The following CLTRN variants were observed in gnomAD, a reference collection of about 807,000 sequenced individuals.
CLTRN encodes collectrin, amino acid transport regulator.
Under a neutral mutation model 14.5 loss-of-function variants are expected in CLTRN, and 12 were observed. That is an observed-to-expected ratio of 0.83 (90% confidence interval 0.53 to 1.34). CLTRN has a LOEUF of 1.34. Ranked by LOEUF, CLTRN falls within the 40% of genes most tolerant of loss-of-function variation. CLTRN has a pLI of 0.00. For synonymous variants in CLTRN, 58 were observed against 56.5 expected (o/e 1.03, Z -0.12); for missense variants, 154 against 165.1 (o/e 0.93, Z 0.37).
chrX:15,663,803 C>T (rs752699451), intron 2 of CLTRN, among the ~76,000 whole-genome samples: 16 of 112,491 alleles, frequency 1.4e-4, no homozygotes, highest in African/African-American at 5.2e-4. Flanking sequence ...TTCCTATAGC[C>T]ACATGGGCCC....
intron 3 of CLTRN, among the ~76,000 whole-genome samples, chrX:15,649,218 A>G (rs1384939679): frequency 1.8e-5 from 2 of 111,895 alleles, no homozygotes; most frequent in African/African-American, 6.5e-5. Context: ...CATCAACACA[A>G]CTATGGCCCC....
chrX:15,648,458 G>A (rs892739621), intron 3 of CLTRN, among the ~76,000 whole-genome samples: 1 of 110,803 alleles, frequency 9.0e-6, no homozygotes, highest in Non-Finnish European at 1.9e-5. Context: ...ATCCCCTGAA[G>A]GACAAAATCA....
chrX:15,637,192 C>T (rs191322460), intron 5 of CLTRN, among the ~76,000 whole-genome samples: 3 of 111,331 alleles, frequency 2.7e-5, no homozygotes, highest in Non-Finnish European at 3.8e-5. Context: ...AAACTATGTT[C>T]ATTATTATCT....
intron 3 of CLTRN, among the ~76,000 whole-genome samples, chrX:15,656,674 T>G (rs1446301092): frequency 9.0e-6 from 1 of 111,300 alleles, no homozygotes; most frequent in Non-Finnish European, 1.9e-5. Flanking sequence ...CAATCTTGCA[T>G]TATGTGGTGC....
chrX:15,663,177 C>T (rs1478488405), intron 2 of CLTRN, among the ~76,000 whole-genome samples: 1 of 112,010 alleles, frequency 8.9e-6, no homozygotes, highest in African/African-American at 3.2e-5. Flanking sequence ...ATTTGGTTTA[C>T]TGAATATTTA....
chrX:15,627,883 T>C lies in CLTRN; in HGVS notation c.*88A>G. 1.3e-6 allele frequency: 1 copy of C among 784,688 alleles called. No individual in the cohort carries two copies. The highest frequency in any genetic ancestry group is 4.8e-5 in the Admixed American group (1 of 20,805). 64.7% of individuals were successfully genotyped at this position (784,688 alleles called of 1,213,427 possible). A position where few individuals can be genotyped will look rare whatever the true frequency, so the allele number is the denominator to read the frequency against. ...ACAAAAGAAGAATGGTGAAACAAAA[T>C]ATATGATCTGCTCTTGGTATTTCAG... On this transcript the variant is annotated 3_prime_UTR_variant, in exon 6 of 6. Coordinates refer to ENST00000380342, the MANE Select transcript of CLTRN (RefSeq NM_020665.6).
At position 15,653,235 on chromosome X, in the gene CLTRN, T is replaced by A. The variant is rs1192915028; in HGVS notation, c.203+5781A>T. Among the ~76,000 whole-genome samples, 5 of 110,902 alleles carry A rather than the reference T, an allele frequency of 4.5e-5. No individual in the cohort carries two copies. In the Admixed American group the frequency reaches 4.8e-4, roughly 11 times the overall value. On this transcript the variant is annotated intron_variant, in intron 3 of 5. Coordinates refer to ENST00000380342, the MANE Select transcript of CLTRN (RefSeq NM_020665.6). ...GTGGTTTGGGTTGGGTGTTGAAGAG[T>A]GCTTGCCCGGCAGGCCTCTCTACTT...
At chrX:15,646,262 C>T (rs1569251429) in intron 3 of CLTRN, 2 of 242,039 alleles carry the variant, frequency 8.3e-6, no homozygotes, top group East Asian at 2.2e-4. Flanking sequence ...CGGCACATGG[C>T]GCCTCGTGCA....
chrX:15,631,667 T>C (rs1342534809), intron 5 of CLTRN, among the ~76,000 whole-genome samples: 1 of 112,376 alleles, frequency 8.9e-6, no homozygotes, highest in Non-Finnish European at 1.9e-5. Flanking sequence ...CCAAGGGGAA[T>C]TGCTGTAGAA....
At chrX:15,655,855 A>C (rs937431845) in intron 3 of CLTRN, among the ~76,000 whole-genome samples, 3 of 112,040 alleles carry the variant, frequency 2.7e-5, no homozygotes, top group African/African-American at 9.7e-5. Context: ...CTTAAAGACA[A>C]CTGTATCCTC....
chrX:15,652,857 A>G (rs944208578), intron 3 of CLTRN, among the ~76,000 whole-genome samples: 1 of 111,756 alleles, frequency 8.9e-6, no homozygotes, highest in Admixed American at 9.5e-5. Flanking sequence ...TGAGGCGGGC[A>G]GATCACCTGA....
intron 4 of CLTRN, among the ~76,000 whole-genome samples, chrX:15,640,952 G>C (rs1928927222): frequency 8.9e-6 from 1 of 111,821 alleles, no homozygotes; most frequent in Non-Finnish European, 1.9e-5. Flanking sequence ...GTACACCATT[G>C]TGAGAAGTCA....
At chrX:15,628,853 T>G (rs1928625372) in intron 5 of CLTRN, among the ~76,000 whole-genome samples, 1 of 112,143 alleles carries the variant, frequency 8.9e-6, no homozygotes, top group Admixed American at 9.5e-5. Context: ...TTTCTCATAG[T>G]TTCACCCTTT....
intron 3 of CLTRN, among the ~76,000 whole-genome samples, chrX:15,652,981 T>A (rs183339258): frequency 9.0e-6 from 1 of 110,725 alleles, no homozygotes; most frequent in Admixed American, 9.6e-5. Context: ...CTCGGGAAAC[T>A]GAGGCAGGAG....
chrX:15,652,604 G>A (rs904924345), intron 3 of CLTRN, among the ~76,000 whole-genome samples: 2 of 110,794 alleles, frequency 1.8e-5, no homozygotes, highest in Admixed American at 9.6e-5. Context: ...ATAAGATTTT[G>A]TTGTTGTTGT....
At chrX:15,660,641 C>CAA (rs766646397) in intron 2 of CLTRN, among the ~76,000 whole-genome samples, 2 of 86,128 alleles carry the variant, frequency 2.3e-5, no homozygotes, top group Non-Finnish European at 2.3e-5. Context: ...CCATCTCTAC[C>CAA]AAAAAAAAAA....
intron 4 of CLTRN, 135 bp downstream of exon 4, chrX:15,644,780 CA>C (rs1929021237): frequency 2.2e-6 from 1 of 448,671 alleles, no homozygotes; most frequent in East Asian, 4.1e-5. Context: ...CAGAAACTAA[CA>C]AAATGAAATC....
At chrX:15,640,373 A>G (rs1331001080) in intron 4 of CLTRN, among the ~76,000 whole-genome samples, 1 of 113,083 alleles carries the variant, frequency 8.8e-6, no homozygotes, top group Admixed American at 9.3e-5. Flanking sequence ...CTCTGCCTAC[A>G]GGGTAGTCCT....
At chrX:15,636,883 C>G (rs1399387344) in intron 5 of CLTRN, among the ~76,000 whole-genome samples, 3 of 111,411 alleles carry the variant, frequency 2.7e-5, no homozygotes, top group Non-Finnish European at 5.7e-5. Flanking sequence ...CCCTGGAAAT[C>G]AGGTGACTCA....
Sources: allele counts gnomAD v4.1 joint callset (sites outside exome capture counted in the v4.1 genomes callset), GRCh38; gene constraint gnomAD v4.1.1; transcripts MANE v1.5; gene names NCBI Gene and HGNC (gene_info 2026-07-23, HGNC 2026-07-21).